Variants in GAB2 observed in about 807,000 individuals in gnomAD.
GAB2 encodes GRB2-associated-binding protein 2.
A neutral mutation model predicts 65.5 loss-of-function variants in GAB2; 26 were observed. That is an observed-to-expected ratio of 0.40 (90% CI 0.29 to 0.55). GAB2 has a LOEUF of 0.55. GAB2 is among the 20% of genes least tolerant of loss of function. The pLI is 0.53. For missense variants in GAB2, 884 were observed against 875.8 expected, an observed-to-expected ratio of 1.01 and a Z score of -0.12; for synonymous variants, 321 against 329.6, an observed-to-expected ratio of 0.97 and a Z score of 0.28.
At chr11:78,228,066 T>C (rs1451695351) in intron 3 of GAB2, among the ~76,000 whole-genome samples, 1 of 152,202 alleles carries the variant, frequency 6.6e-6, no homozygotes, top group South Asian at 2.1e-4. Flanking sequence ...AGACTTGTGT[T>C]AGGTTCCAGT....
At chr11:78,244,751 C>T (rs1385677242) in intron 3 of GAB2, among the ~76,000 whole-genome samples, 3 of 151,518 alleles carry the variant, frequency 2.0e-5, no homozygotes, top group Non-Finnish European at 2.9e-5. Flanking sequence ...TTATCTCACC[C>T]CAGTTGGGAT....
chr11:78,252,347 T>G (rs954771405), intron 2 of GAB2, among the ~76,000 whole-genome samples: 19 of 152,222 alleles, frequency 1.2e-4, no homozygotes, highest in African/African-American at 4.1e-4. Flanking sequence ...AACTGGACAT[T>G]TGTTAACAGA....
chr11:78,297,408 T>C (rs1866862254), intron 1 of GAB2, among the ~76,000 whole-genome samples: 1 of 152,156 alleles, frequency 6.6e-6, no homozygotes. Context: ...ATATCCATAT[T>C]TTTTGGGGAA....
chr11:78,256,346 T>G (rs553141726), intron 2 of GAB2, among the ~76,000 whole-genome samples: 1 of 151,374 alleles, frequency 6.6e-6, no homozygotes, highest in Admixed American at 6.6e-5. Flanking sequence ...GTGGGAGGAG[T>G]GTTTGTATGC....
chr11:78,386,123 A>G (rs1442156111), intron 1 of GAB2, among the ~76,000 whole-genome samples: 1 of 152,214 alleles, frequency 6.6e-6, no homozygotes, highest in Non-Finnish European at 1.5e-5. Flanking sequence ...GGCCCTCTCA[A>G]GGGAGTTCAG....
In GAB2 at chr11:78,236,023, G is replaced by C. The variant is rs1175750671; in HGVS notation, c.621-8972C>G. Among the ~76,000 whole-genome samples, 8 of 152,250 alleles carry C rather than the reference G, an allele frequency of 5.3e-5. No homozygotes were observed. In the South Asian group the frequency reaches 1.2e-3, roughly 24 times the overall value. On this transcript the variant is annotated intron_variant, in intron 3 of 9. Coordinates refer to ENST00000361507, the MANE Select transcript of GAB2 (RefSeq NM_080491.3). ...TTATTTGGATTGTGTTGAATCTACA[G>C]AACAATTTGAGAAAAACTGCCATCT...
intron 1 of GAB2, among the ~76,000 whole-genome samples, chr11:78,365,288 A>G (rs141368179): frequency 9.8e-5 from 15 of 152,346 alleles, no homozygotes; most frequent in African/African-American, 3.6e-4. Flanking sequence ...TCCATTTCAG[A>G]AAGTTCCCAC....
At chr11:78,388,516 C>T (rs1201394834) in intron 1 of GAB2, among the ~76,000 whole-genome samples, 1 of 151,666 alleles carries the variant, frequency 6.6e-6, no homozygotes, top group East Asian at 1.9e-4. Context: ...TTTGTAGAGA[C>T]AGTGTCTTGC....
At chr11:78,389,598 C>T (rs569615259) in intron 1 of GAB2, among the ~76,000 whole-genome samples, 56 of 152,312 alleles carry the variant, frequency 3.7e-4, no homozygotes, top group African/African-American at 1.3e-3. Context: ...TGAGCCACCG[C>T]GCCCGGCCGT....
chr11:78,346,697 ATATATATATATATATATATATATAATTT>A (rs1488084415), intron 1 of GAB2, among the ~76,000 whole-genome samples: 3 of 93,088 alleles, frequency 3.2e-5, no homozygotes, highest in African/African-American at 2.2e-4. Flanking sequence ...ATATATATAT[ATATATATATATATATATATATATAATTT>A]TTTTTTTTTT....
At chr11:78,249,469 G>A (rs1243929200) in intron 3 of GAB2, among the ~76,000 whole-genome samples, 1 of 152,146 alleles carries the variant, frequency 6.6e-6, no homozygotes, top group Non-Finnish European at 1.5e-5. Flanking sequence ...CTAACAATGG[G>A]AATAAAACAT....
At chr11:78,324,161 G>A (rs146847590) in intron 1 of GAB2, among the ~76,000 whole-genome samples, 25 of 151,848 alleles carry the variant, frequency 1.6e-4, no homozygotes, top group African/African-American at 5.1e-4. Context: ...TCTACTTGCC[G>A]TGAGGTCACT....
At chr11:78,247,329 A>G (rs563867978) in intron 3 of GAB2, among the ~76,000 whole-genome samples, 1 of 152,332 alleles carries the variant, frequency 6.6e-6, no homozygotes, top group Admixed American at 6.5e-5. Context: ...CCACCACCAT[A>G]GTGGAACTGG....
chr11:78,323,257 C>T (rs77291312), intron 1 of GAB2, among the ~76,000 whole-genome samples: 7,414 of 152,178 alleles, frequency 0.049, 582 homozygotes, highest in African/African-American at 0.17. Context: ...GGTCTGTAAT[C>T]CCTGCACTTT....
At chr11:78,319,133 C>T (rs975623392) in intron 1 of GAB2, among the ~76,000 whole-genome samples, 15 of 152,162 alleles carry the variant, frequency 9.9e-5, no homozygotes, top group African/African-American at 3.4e-4. Flanking sequence ...TGGATGCACC[C>T]TCAGAAGGAG....
intron 1 of GAB2, among the ~76,000 whole-genome samples, chr11:78,346,435 T>C (rs1856179749): frequency 6.6e-6 from 1 of 151,998 alleles, no homozygotes; most frequent in South Asian, 2.1e-4. Flanking sequence ...GTACTTGTTA[T>C]TCCCATTTTA....
chr11:78,396,700 C>G (rs557436236), intron 1 of GAB2, among the ~76,000 whole-genome samples: 1 of 152,136 alleles, frequency 6.6e-6, no homozygotes, highest in African/African-American at 2.4e-5. Flanking sequence ...CGGGTTCAAG[C>G]GATTCTCCTG....
chr11:78,338,412 G>T (rs1856037764), intron 1 of GAB2, among the ~76,000 whole-genome samples: 1 of 152,076 alleles, frequency 6.6e-6, no homozygotes, highest in African/African-American at 2.4e-5. Context: ...TGGCTGGCTG[G>T]GAAGACAGAA....
intron 1 of GAB2, among the ~76,000 whole-genome samples, chr11:78,353,064 A>AT (rs1372065254): frequency 6.6e-6 from 1 of 152,188 alleles, no homozygotes; most frequent in Non-Finnish European, 1.5e-5. Context: ...AGTGGTCCCC[A>AT]TACCAGCAGC....
Sources: gnomAD v4.1 joint callset for allele counts (sites outside exome capture counted in the v4.1 genomes callset) on GRCh38, gnomAD v4.1.1 for gene constraint, MANE v1.5 for transcripts, NCBI Gene and HGNC (gene_info 2026-07-23, HGNC 2026-07-21) for gene names.